TDP1: variants seen among roughly 807,000 people sequenced by gnomAD.
TDP1 encodes the protein tyrosyl-DNA phosphodiesterase 1.
In TDP1, 64 loss-of-function variants were observed where a neutral mutation model predicts 81.5. The ratio of observed to expected loss-of-function variants is 0.79; its 90% CI spans 0.64 to 0.97. The LOEUF is 0.97. Ranked by LOEUF, TDP1 falls within the 50% of genes least tolerant of loss-of-function variation. TDP1 has a pLI of 0.00. For missense variants in TDP1, 723 were observed against 743.8 expected, an observed-to-expected ratio of 0.97 and a Z score of 0.33; for synonymous variants, 256 against 264.3, an observed-to-expected ratio of 0.97 and a Z score of 0.30.
intron 5 of TDP1, chr14:89,970,963 G>C (rs1159361198): frequency 5.4e-6 from 1 of 184,860 alleles, no homozygotes; most frequent in Non-Finnish European, 1.0e-5. Flanking sequence ...CTCAGCCCCA[G>C]AGTAGCTGGG....
intron 15 of TDP1, among the ~76,000 whole-genome samples, chr14:90,026,767 T>C (rs1300232778): frequency 2.0e-5 from 3 of 152,224 alleles, no homozygotes; most frequent in Non-Finnish European, 4.4e-5. Context: ...GCTTCATCCA[T>C]GTCCCTACAA....
rs35220669 is a variant in TDP1 at position 89,976,704 on chromosome 14, CTT to C, written c.791+892_791+893del. ...GGCCACTGCCACCACACCTGGCTAA[CTT>C]TTATATTTTTATTAGAGACGGGGTT... On this transcript the variant is annotated intron_variant, in intron 7 of 16. Coordinates refer to ENST00000335725, the MANE Select transcript of TDP1 (RefSeq NM_018319.4). 3.8e-3 allele frequency among the ~76,000 whole-genome samples: 583 copies of C among 151,768 alleles called. 1 individual carries two copies. The highest frequency in any genetic ancestry group is 0.014 in the African/African-American group (563 of 41,456).
intron 7 of TDP1, among the ~76,000 whole-genome samples, chr14:89,976,790 G>C (rs1051046043): frequency 6.6e-6 from 1 of 151,686 alleles, no homozygotes; most frequent in African/African-American, 2.4e-5. Context: ...ACCCTCCTCT[G>C]CCTCCCCAAG....
intron 6 of TDP1, among the ~76,000 whole-genome samples, chr14:89,971,510 A>G (rs1893665074): frequency 6.6e-6 from 1 of 152,084 alleles, no homozygotes; most frequent in African/African-American, 2.4e-5. Context: ...ATTTCTACTC[A>G]TTGGTCTTAA....
chr14:89,989,320 C>T, intron 11 of TDP1: 3 of 985,232 alleles, frequency 3.0e-6, no homozygotes, highest in Non-Finnish European at 3.6e-6. Flanking sequence ...CGTTCAGGAG[C>T]TCCATTGCAG....
intron 6 of TDP1, among the ~76,000 whole-genome samples, chr14:89,972,211 G>A (rs1180317980): frequency 6.6e-6 from 1 of 152,180 alleles, no homozygotes; most frequent in Non-Finnish European, 1.5e-5. Context: ...GCATGGCTGA[G>A]GAGGCCTCAG....
chr14:90,019,202 T>C, intron 14 of TDP1, 114 bp from the exon 15 acceptor site: 1 of 1,298,222 alleles, frequency 7.7e-7, no homozygotes. Flanking sequence ...AGAAAATGAA[T>C]GAATGTGATT....
chr14:90,000,245 A>C (rs1157966922), intron 14 of TDP1, among the ~76,000 whole-genome samples: 3 of 152,218 alleles, frequency 2.0e-5, no homozygotes, highest in African/African-American at 7.2e-5. Context: ...AGGCCCACCC[A>C]GGATTGTTTC....
chr14:89,995,546 ATAACT>A (rs1020213365), intron 14 of TDP1, among the ~76,000 whole-genome samples: 25 of 152,382 alleles, frequency 1.6e-4, no homozygotes, highest in East Asian at 1.2e-3. Context: ...TCTAAGAAAC[ATAACT>A]TAAATAACAA....
At chr14:89,962,025 A>G (rs1432419894) in intron 2 of TDP1, among the ~76,000 whole-genome samples, 1 of 152,160 alleles carries the variant, frequency 6.6e-6, no homozygotes, top group East Asian at 1.9e-4. Flanking sequence ...CACTGAATTG[A>G]CAAGATTTGG....
intron 14 of TDP1, among the ~76,000 whole-genome samples, chr14:90,002,797 T>G (rs1303301029): frequency 6.6e-6 from 1 of 151,624 alleles, no homozygotes; most frequent in Non-Finnish European, 1.5e-5. Context: ...AACTTGAGCC[T>G]GGGAGATTGA....
rs183877784 is a variant in TDP1, at chr14:89,972,580, A to T, written c.756+1309A>T. On this transcript the variant is annotated intron_variant, in intron 6 of 16. Coordinates refer to ENST00000335725, the MANE Select transcript of TDP1 (RefSeq NM_018319.4). ...TGTGGCCAGTGAGTCTTGGACTTTC[A>T]TTAGGATCCATTTCTTTAGACTCAT... Among the ~76,000 whole-genome samples, 269 of 152,350 alleles carry T rather than the reference A, an allele frequency of 1.8e-3. 2 individuals carry two copies. The highest frequency in any genetic ancestry group is 1.9e-3 in the Non-Finnish European group (126 of 68,032).
rs58328344 is a variant in TDP1, at chr14:89,961,115, C to T, written c.-7-1993C>T. On this transcript the variant is annotated intron_variant, in intron 2 of 16. Transcript: ENST00000335725. ...TATGAATATTCACCAAGGGGGGACA[C>T]GTGTGCATGTGTAATGAGCAAACGT... 5.7e-3 allele frequency among the ~76,000 whole-genome samples: 873 copies of T among 152,276 alleles called. 11 individuals are homozygous for T. The highest frequency in any genetic ancestry group is 0.02 in the African/African-American group (811 of 41,558).
At chr14:89,973,979 G>A (rs35178878) in intron 6 of TDP1, among the ~76,000 whole-genome samples, 8,554 of 152,140 alleles carry the variant, frequency 0.056, 518 homozygotes, top group African/African-American at 0.15. Context: ...CAGCAGTCCT[G>A]TTGGATCAGG....
At chr14:90,024,429 G>C (rs1230552312) in intron 15 of TDP1, among the ~76,000 whole-genome samples, 2 of 152,138 alleles carry the variant, frequency 1.3e-5, no homozygotes, top group African/African-American at 4.8e-5. Context: ...TTTGACTCTT[G>C]TCTCCTGGAC....
At chr14:89,977,383 C>T (rs1219727569) in intron 7 of TDP1, among the ~76,000 whole-genome samples, 3 of 152,106 alleles carry the variant, frequency 2.0e-5, no homozygotes, top group Admixed American at 6.5e-5. Context: ...TTACAACCTC[C>T]GCCTCCCAGG....
intron 14 of TDP1, among the ~76,000 whole-genome samples, chr14:90,016,259 G>T (rs1885298596): frequency 6.6e-6 from 1 of 151,956 alleles, no homozygotes; most frequent in Non-Finnish European, 1.5e-5. Context: ...GGTAAGACTG[G>T]TCTCGAACTC....
chr14:90,026,540 C>T (rs185880337), intron 15 of TDP1, among the ~76,000 whole-genome samples: 114 of 152,274 alleles, frequency 7.5e-4, no homozygotes, highest in African/African-American at 2.7e-3. Context: ...ATACATGTGC[C>T]ATGTTGGTGT....
At chr14:90,001,845 T>G (rs1480602524) in intron 14 of TDP1, among the ~76,000 whole-genome samples, 1 of 152,118 alleles carries the variant, frequency 6.6e-6, no homozygotes, top group African/African-American at 2.4e-5. Flanking sequence ...TCCCAGTTTA[T>G]TTTATTTATT....
Sources: gnomAD v4.1 joint callset for allele counts (sites outside exome capture counted in the v4.1 genomes callset) on GRCh38, gnomAD v4.1.1 for gene constraint, MANE v1.5 for transcripts, NCBI Gene and HGNC (gene_info 2026-07-23, HGNC 2026-07-21) for gene names.